Variants in AMOTL1 observed in about 807,000 individuals in gnomAD.
AMOTL1 encodes angiomotin-like protein 1.
Under a neutral mutation model 102.9 loss-of-function variants are expected in AMOTL1, and 45 were observed. The ratio of observed to expected loss-of-function variants is 0.44; its 90% CI spans 0.34 to 0.56. AMOTL1 has a LOEUF of 0.56. AMOTL1 is among the 20% of genes least tolerant of loss of function. The probability of loss-of-function intolerance (pLI) is 0.01; values close to 1 mark genes in which losing one functional copy is unlikely to be tolerated. For missense variants in AMOTL1, 1,114 were observed against 1,225.6 expected (o/e 0.91, Z 1.36); for synonymous variants, 481 against 484.7 (o/e 0.99, Z 0.10).
intron 8 of AMOTL1, 80 bp from the exon 9 acceptor site, chr11:94,859,445 C>A: frequency 1.5e-6 from 2 of 1,348,324 alleles, no homozygotes; most frequent in East Asian, 2.5e-5. Flanking sequence ...TCTGGGGAAC[C>A]TCATGTGTTC....
intron 1 of AMOTL1, among the ~76,000 whole-genome samples, chr11:94,717,713 A>G (rs1015241630): frequency 6.6e-6 from 1 of 151,972 alleles, no homozygotes; most frequent in Non-Finnish European, 1.5e-5. Flanking sequence ...TATCTAAAAT[A>G]TAAATAAAAC....
At chr11:94,767,456 T>C (rs1211876594), upstream of AMOTL1, among the ~76,000 whole-genome samples, 1 of 152,100 alleles carries the variant, frequency 6.6e-6, no homozygotes, top group Non-Finnish European at 1.5e-5. Flanking sequence ...CGGACCTAGA[T>C]AGCAGGTAAA....
chr11:94,870,661 C>T, intron 12 of AMOTL1, 28 bp from the exon 13 acceptor site: 1 of 1,550,432 alleles, frequency 6.4e-7, no homozygotes, highest in Non-Finnish European at 8.8e-7. Flanking sequence ...GAGGAATGGG[C>T]AGCTGATGTT....
chr11:94,839,422 G>A (rs781022748), intron 6 of AMOTL1, among the ~76,000 whole-genome samples: 2 of 152,208 alleles, frequency 1.3e-5, no homozygotes, highest in South Asian at 2.1e-4. Flanking sequence ...TGAGGCACAG[G>A]AAGATTAAGT....
Position 94,869,198 on chromosome 11 carries a change from G to T in AMOTL1, c.2489G>T (p.Gly830Val). Reference protein sequence around the residue: ...KEEKTWKGSIGLLLGKEHHEH... With the variant: ...KEEKTWKGSIVLLLGKEHHEH... The stretch of plus-strand genomic sequence containing the variant: ...TGAAAAATCTGTTCTCTGCCCTCAG[G>T]ATTGCTGCTGGGGAAGGAGCACCAT... The change falls in exon 12 of 13, where the codon GGA (glycine) becomes GTA (valine). Residue 830 changes from glycine to valine, a missense_variant and splice_region_variant. By Grantham distance (109) the Gly-to-Val change is moderately radical. Transcript: ENST00000433060. The T allele has an allele frequency of 6.3e-7, 1 of 1,585,426 alleles. No homozygotes were observed. Among genetic ancestry groups the T allele is most frequent in the South Asian group, 1.1e-5 (1 of 88,754 alleles).
Position 94,876,211 on chromosome 11 carries a change from A to G in AMOTL1, c.*5416A>G, listed in dbSNP as rs1953091912. The G allele has an allele frequency of 6.6e-6, 1 of 152,654 alleles. No homozygotes were observed. Among genetic ancestry groups the G allele is most frequent in the African/African-American group, 2.4e-5 (1 of 41,462 alleles). The allele number at this position is 152,654 out of a possible 1,614,324, so 9.5% of individuals were successfully genotyped here. A position where few individuals can be genotyped will look rare whatever the true frequency, so the allele number is the denominator to read the frequency against. On this transcript the variant is annotated 3_prime_UTR_variant, in exon 13 of 13. Coordinates refer to ENST00000433060, the MANE Select transcript of AMOTL1 (RefSeq NM_130847.3). ...AATATATCCACATTGGTTTTATTTG[A>G]ATCAAGGTGTTTTTTTGTTTTTTGT...
chr11:94,716,702 C>T (rs72967827), intron 1 of AMOTL1, among the ~76,000 whole-genome samples: 22,744 of 152,100 alleles, frequency 0.15, 2,152 homozygotes, highest in Admixed American at 0.21. Flanking sequence ...GCTAATGCTT[C>T]GCCTGAGGAT....
intron 6 of AMOTL1, among the ~76,000 whole-genome samples, chr11:94,844,280 A>G (rs1316245529): frequency 6.6e-6 from 1 of 152,048 alleles, no homozygotes; most frequent in Non-Finnish European, 1.5e-5. Flanking sequence ...TTGGAGCTTG[A>G]ACAGAATTAG....
At chr11:94,834,579 G>A (rs989392122) in intron 6 of AMOTL1, among the ~76,000 whole-genome samples, 1 of 151,926 alleles carries the variant, frequency 6.6e-6, no homozygotes, top group Admixed American at 6.5e-5. Flanking sequence ...GCGACAGAGC[G>A]AGACTCCGTC....
chr11:94,795,994 G>A (rs1407820719), intron 2 of AMOTL1, among the ~76,000 whole-genome samples: 4 of 152,228 alleles, frequency 2.6e-5, no homozygotes, highest in African/African-American at 9.6e-5. Flanking sequence ...TAGAGTGAAA[G>A]AGCAGACCAG....
At chr11:94,744,138 A>G (rs933262708) in intron 3 of AMOTL1, among the ~76,000 whole-genome samples, 2 of 152,228 alleles carry the variant, frequency 1.3e-5, no homozygotes, top group African/African-American at 4.8e-5. Flanking sequence ...CTACCACTTC[A>G]GATATCAACG....
chr11:94,711,761 A>G (rs984181838), intron 1 of AMOTL1, among the ~76,000 whole-genome samples: 2 of 152,096 alleles, frequency 1.3e-5, no homozygotes, highest in African/African-American at 4.8e-5. Context: ...ATGCGTATCA[A>G]TAGTTGGTTC....
At chr11:94,865,449 G>C (rs1457374178) in intron 10 of AMOTL1, among the ~76,000 whole-genome samples, 1 of 152,154 alleles carries the variant, frequency 6.6e-6, no homozygotes, top group African/African-American at 2.4e-5. Flanking sequence ...GGCTCAGTGA[G>C]TTACTATCAA....
At chr11:94,765,873 CCT>C (rs1950849478), upstream of AMOTL1, among the ~76,000 whole-genome samples, 1 of 152,194 alleles carries the variant, frequency 6.6e-6, no homozygotes, top group South Asian at 2.1e-4. Flanking sequence ...TTTCTCTACA[CCT>C]CTGTCCTCCA....
At chr11:94,794,901 C>T (rs191122914) in intron 1 of AMOTL1, 110 bp from the exon 2 acceptor site, 452 of 1,243,736 alleles carry the variant, frequency 3.6e-4, no homozygotes, top group Non-Finnish European at 4.7e-4. Flanking sequence ...AGAGCTCCCT[C>T]TGCCAAGTTG....
At chr11:94,839,799 G>A (rs2135683634) in intron 6 of AMOTL1, among the ~76,000 whole-genome samples, 1 of 152,290 alleles carries the variant, frequency 6.6e-6, no homozygotes, top group Admixed American at 6.5e-5. Flanking sequence ...ACACTGGGAA[G>A]GATCTTGGAT....
chr11:94,774,051 C>T (rs759958626), intron 1 of AMOTL1, among the ~76,000 whole-genome samples: 5 of 152,172 alleles, frequency 3.3e-5, no homozygotes, highest in African/African-American at 7.2e-5. Context: ...TGAAGCAATG[C>T]GCACAATGCT....
intron 2 of AMOTL1, among the ~76,000 whole-genome samples, chr11:94,796,717 T>C (rs1213716675): frequency 3.9e-5 from 6 of 151,996 alleles, no homozygotes; most frequent in Non-Finnish European, 8.8e-5. Flanking sequence ...CATCACGGAG[T>C]TACAGTATTT....
At position 94,779,036 on chromosome 11, in the gene AMOTL1, G is replaced by A. The variant is rs372185413; in HGVS notation, c.49+10476G>A. Among the ~76,000 whole-genome samples the A allele has an allele frequency of 9.8e-4, 147 of 150,676 alleles. 2 individuals carry two copies. Among genetic ancestry groups the A allele is most frequent in the African/African-American group, 3.4e-3 (140 of 41,196 alleles). On this transcript the variant is annotated intron_variant, in intron 1 of 12. Transcript: ENST00000433060. ...TCTTCTCTTGGCCAAGTGGAAAATA[G>A]ATATAATTATAAGCCTGCCTAAATT... is the stretch of plus-strand genomic sequence containing the variant.
Sources: gnomAD v4.1 joint callset for allele counts (sites outside exome capture counted in the v4.1 genomes callset) on GRCh38, gnomAD v4.1.1 for gene constraint, MANE v1.5 for transcripts, NCBI Gene and HGNC (gene_info 2026-07-23, HGNC 2026-07-21) for gene names.